FAM76B: variants seen among roughly 807,000 people sequenced by gnomAD.
FAM76B encodes family with sequence similarity 76 member B, also known as protein FAM76B.
A neutral mutation model predicts 51.8 loss-of-function variants in FAM76B; 16 were observed. The ratio of observed to expected loss-of-function variants is 0.31; its 90% CI spans 0.21 to 0.47. The LOEUF is 0.47. FAM76B is among the 20% of genes least tolerant of loss of function. FAM76B has a pLI of 1.00. For synonymous variants in FAM76B, 166 were observed against 129.5 expected, an observed-to-expected ratio of 1.28 and a Z score of -1.91; for missense variants, 342 against 392.6, an observed-to-expected ratio of 0.87 and a Z score of 1.09.
Position 95,771,580 on chromosome 11 carries a change from C to T in FAM76B, c.1001G>A (p.Ser334Asn), listed in dbSNP as rs1345050307. 2.5e-6 allele frequency: 4 copies of T among 1,606,162 alleles called. No individual in the cohort carries two copies. The African/African-American group carries it at 5.4e-5, about 22-fold the overall frequency. The part of the protein sequence containing the change: ...SKGKKFDKSG[S>N]ILTSP ...ACTTTCTCAAGGAGATGTTAGTATG[C>T]TTCCACTTTTGTCAAATTTTTTACC... Residue 334 changes from serine (S) to asparagine (N), a missense_variant, in exon 10 of 10, where the codon AGC (serine) becomes AAC (asparagine). Ser to Asn is a conservative substitution (Grantham distance 46, BLOSUM62 1). This residue lies in a region of FAM76B where 230 missense variants were observed against 257.4 expected (regional missense o/e 0.89). Coordinates refer to ENST00000358780, the MANE Select transcript of FAM76B (RefSeq NM_144664.5).
At chr11:95,787,492 G>C in intron 3 of FAM76B, 132 bp downstream of exon 3, 1 of 753,640 alleles carries the variant, frequency 1.3e-6, no homozygotes, top group Non-Finnish European at 2.2e-6. Flanking sequence ...CGCCCTCCTC[G>C]GCCTCCCAAA....
chr11:95,776,078 C>CACACACA, intron 8 of FAM76B, 55 bp from the exon 9 acceptor site: 1 of 916,872 alleles, frequency 1.1e-6, no homozygotes, highest in Non-Finnish European at 1.6e-6. Flanking sequence ...CACACACACA[C>CACACACA]CATTTTAAAT....
In FAM76B at chr11:95,779,007, G is replaced by A. The variant is rs781087727; in HGVS notation, c.693-50C>T. 19 of 1,600,594 alleles carry A rather than the reference G, an allele frequency of 1.2e-5. No homozygotes were observed. In the Admixed American group the frequency reaches 3.2e-4, roughly 27 times the overall value. On this transcript the variant is annotated intron_variant, in intron 7 of 9. Transcript: ENST00000358780. ...GTTAAATGAAGTAGAAGGAAAATTAGCAGGTGTTCAAATTGCATAAATTAG... is the reference window on the plus strand; with the variant it reads ...GTTAAATGAAGTAGAAGGAAAATTAACAGGTGTTCAAATTGCATAAATTAG...
At chr11:95,772,885 T>A (rs1021505412) in intron 9 of FAM76B, among the ~76,000 whole-genome samples, 1 of 151,142 alleles carries the variant, frequency 6.6e-6, no homozygotes, top group Non-Finnish European at 1.5e-5. Context: ...AGTACTATCT[T>A]ATATGTGCAA....
intron 5 of FAM76B, among the ~76,000 whole-genome samples, chr11:95,781,356 C>A (rs571724259): frequency 1.3e-5 from 2 of 152,136 alleles, no homozygotes; most frequent in East Asian, 3.9e-4. Context: ...AAGATAGGAC[C>A]CTACAAAGTA....
rs778464994 is a variant in FAM76B at position 95,775,950 on chromosome 11, G to C, written c.902C>G (p.Ala301Gly). 5 of 1,586,492 alleles carry C rather than the reference G, an allele frequency of 3.2e-6. No individual in the cohort carries two copies. Among genetic ancestry groups the C allele is most frequent in the South Asian group, 1.2e-5 (1 of 86,850 alleles). Residue 301 changes from alanine to glycine, a missense_variant, in exon 9 of 10, where the codon GCC becomes GGC. Around this residue, in one of 3 missense-constraint regions of FAM76B, gnomAD observed 230 missense variants for 257.4 expected, o/e 0.89. Transcript: ENST00000358780. ...LRTKMNSMEK[A>G]HKETVEQLQA... The stretch of plus-strand genomic sequence containing the variant: ...AAGTTGTTCCACAGTTTCTTTGTGG[G>C]CTTTTTCCATACTGTTCATTTTTGT...
chr11:95,784,225 G>T (rs1423249714), intron 4 of FAM76B, among the ~76,000 whole-genome samples: 1 of 151,968 alleles, frequency 6.6e-6, no homozygotes, highest in Non-Finnish European at 1.5e-5. Context: ...CTTATAAGCA[G>T]GAACTAAAGG....
At chr11:95,774,730 C>T (rs1057331608) in intron 9 of FAM76B, among the ~76,000 whole-genome samples, 17 of 151,292 alleles carry the variant, frequency 1.1e-4, no homozygotes, top group African/African-American at 3.1e-4. Flanking sequence ...ATATATGATA[C>T]GGGCAATCTC....
chr11:95,786,522 GTC>G, intron 3 of FAM76B: 3 of 377,804 alleles, frequency 7.9e-6, no homozygotes, highest in Non-Finnish European at 1.4e-5. Context: ...GATTTGCATA[GTC>G]TGTTAGATAA....
At chr11:95,772,942 T>C (rs1259234105) in intron 9 of FAM76B, among the ~76,000 whole-genome samples, 1 of 151,152 alleles carries the variant, frequency 6.6e-6, no homozygotes, top group Non-Finnish European at 1.5e-5. Flanking sequence ...AGAACTTTCC[T>C]ATTCAGTGGT....
chr11:95,769,350 T>G lies in FAM76B; in HGVS notation c.*2211A>C, dbSNP rs1464965063. 4.6e-5 allele frequency: 7 copies of G among 152,126 alleles called. No homozygotes were observed. The highest frequency in any genetic ancestry group is 1.0e-4 in the Non-Finnish European group (7 of 67,798). The allele number at this position is 152,126 out of a possible 1,614,324, so 9.4% of individuals were successfully genotyped here. On this transcript the variant is annotated 3_prime_UTR_variant, in exon 10 of 10. Transcript: ENST00000358780. ...TTGCAAAAAAATTTAAGTTATAAAATAAGGTCATGGAATAAAGAAGGGTAT... is the reference window on the plus strand; with the variant it reads ...TTGCAAAAAAATTTAAGTTATAAAAGAAGGTCATGGAATAAAGAAGGGTAT...
In FAM76B at chr11:95,783,194, T is replaced by C. The variant is rs552497771; in HGVS notation, c.434A>G (p.Gln145Arg). Residue 145 changes from glutamine (Q) to arginine (R), a missense_variant, in exon 5 of 10, where the codon CAA (glutamine) becomes CGA (arginine). Around this residue, in one of 3 missense-constraint regions of FAM76B, gnomAD observed 230 missense variants for 257.4 expected, o/e 0.89. Coordinates refer to ENST00000358780, the MANE Select transcript of FAM76B (RefSeq NM_144664.5). ...ATGTGAAGATCCCAGGCTCTTCCTT[T>C]GTTCTTTCGTCTTCTGTAAAACTCT... ...YKRVLQKTKE[Q>R]RKSLGSSHSN... 3.1e-6 allele frequency: 5 copies of C among 1,613,976 alleles called. No homozygotes were observed. The highest frequency in any genetic ancestry group is 1.7e-5 in the Admixed American group (1 of 60,020).
chr11:95,780,958 C>A (rs150709279), intron 5 of FAM76B, among the ~76,000 whole-genome samples: 7 of 151,870 alleles, frequency 4.6e-5, no homozygotes, highest in Admixed American at 3.9e-4. Flanking sequence ...AAAAACAAAC[C>A]TTAAGACTCA....
rs567862893 is a variant in FAM76B, at chr11:95,775,599, A to G, written c.930+323T>C. On this transcript the variant is annotated intron_variant, in intron 9 of 9. Transcript: ENST00000358780. ...CTACTGAAGACCTGCTTTTCACCTTAGTTTCATTAATCTGATTTTTAATTT... is the reference window on the plus strand; with the variant it reads ...CTACTGAAGACCTGCTTTTCACCTTGGTTTCATTAATCTGATTTTTAATTT... 9.0e-4 allele frequency among the ~76,000 whole-genome samples: 136 copies of G among 151,352 alleles called. 2 individuals are homozygous for G. The South Asian group carries it at 0.027, about 30-fold the overall frequency.
Position 95,770,297 on chromosome 11 carries a change from A to G in FAM76B, c.*1264T>C, listed in dbSNP as rs530984139. The G allele has an allele frequency of 2.0e-5, 3 of 151,998 alleles. 1 individual carries two copies. Among genetic ancestry groups the G allele is most frequent in the African/African-American group, 7.2e-5 (3 of 41,486 alleles). 9.4% of individuals were successfully genotyped at this position (151,998 alleles called of 1,614,324 possible). A position where few individuals can be genotyped will look rare whatever the true frequency, so the allele number is the denominator to read the frequency against. On this transcript the variant is annotated 3_prime_UTR_variant, in exon 10 of 10. Coordinates refer to ENST00000358780, the MANE Select transcript of FAM76B (RefSeq NM_144664.5). The stretch of plus-strand genomic sequence containing the variant: ...TAGACAATTTTAAAGACTTTAGGAC[A>G]ATTTACTTATAATGCCTGAATCTTA...
rs1244263695 is a variant in FAM76B, at chr11:95,781,125, T to C, written c.564-1199A>G. On this transcript the variant is annotated intron_variant, in intron 5 of 9. Transcript: ENST00000358780. Reference sequence around the variant, plus strand: ...ATTTCATTATAAGCCTAACAAGCCATACATGAACTAACAGCACTAACCATA... The same window carrying C: ...ATTTCATTATAAGCCTAACAAGCCACACATGAACTAACAGCACTAACCATA... Among the ~76,000 whole-genome samples the C allele has an allele frequency of 2.0e-5, 3 of 151,404 alleles. No homozygotes were observed. The South Asian group carries it at 6.3e-4, about 32-fold the overall frequency.
intron 9 of FAM76B, among the ~76,000 whole-genome samples, chr11:95,772,928 C>G (rs1859834503): frequency 6.6e-6 from 1 of 150,936 alleles, no homozygotes; most frequent in Non-Finnish European, 1.5e-5. Flanking sequence ...GATGCATGAT[C>G]AATAGAACTT....
intron 1 of FAM76B, 133 bp from the exon 2 acceptor site, chr11:95,788,696 G>T: frequency 8.2e-7 from 1 of 1,212,490 alleles, no homozygotes; most frequent in Admixed American, 2.5e-5. Context: ...TAAAGAACTG[G>T]ATGCTTTATC....
In FAM76B at chr11:95,789,703, G is replaced by C. The variant is rs1457085767; in HGVS notation, c.-225C>G. ...CCCACCCAGTGACGCCGTGCCAGCC[G>C]CTCCCGCTTAGGCCCCGATAGCGGC... On this transcript the variant is annotated 5_prime_UTR_variant, in exon 1 of 10. Transcript: ENST00000358780. The C allele has an allele frequency of 1.4e-5, 7 of 497,886 alleles. No homozygotes were observed. Among genetic ancestry groups the C allele is most frequent in the Non-Finnish European group, 2.1e-5 (6 of 284,578 alleles). The allele number at this position is 497,886 out of a possible 1,614,324, so 30.8% of individuals were successfully genotyped here.
Sources: gnomAD v4.1 joint callset for allele counts (sites outside exome capture counted in the v4.1 genomes callset) on GRCh38, gnomAD v4.1.1 for gene constraint, gnomAD v4.1.1 regional missense constraint, MANE v1.5 for transcripts, NCBI Gene and HGNC (gene_info 2026-07-23, HGNC 2026-07-21) for gene names.